Variants in TCF7L2 observed in about 807,000 individuals in gnomAD.
TCF7L2 encodes the protein transcription factor 7 like 2.
In TCF7L2, 23 loss-of-function variants were observed where a neutral mutation model predicts 77.9. The ratio of observed to expected loss-of-function variants is 0.30; its 90% CI spans 0.21 to 0.42. The LOEUF (loss-of-function observed/expected upper bound fraction) is 0.42, where lower values mean the gene tolerates loss of function less well. TCF7L2 is among the 10% of genes least tolerant of loss of function. The pLI is 1.00. For missense variants in TCF7L2, 654 were observed against 793.1 expected (o/e 0.82, Z 2.11); for synonymous variants, 413 against 340.2 (o/e 1.21, Z -2.36).
chr10:113,091,222 A>T (rs1000463777), intron 5 of TCF7L2, among the ~76,000 whole-genome samples: 1 of 152,172 alleles, frequency 6.6e-6, no homozygotes, highest in Non-Finnish European at 1.5e-5. Context: ...TAATATTTGG[A>T]TACATTTCCA....
At chr10:112,985,962 T>C (rs2135342454) in intron 4 of TCF7L2, among the ~76,000 whole-genome samples, 1 of 151,960 alleles carries the variant, frequency 6.6e-6, no homozygotes, top group South Asian at 2.1e-4. Context: ...GTTTCTATAT[T>C]CAAATCAAAG....
intron 4 of TCF7L2, 81 bp from the exon 5 acceptor site, chr10:113,039,944 C>T (rs1488729938): frequency 1.3e-5 from 16 of 1,215,784 alleles, no homozygotes; most frequent in Non-Finnish European, 1.9e-5. Context: ...ACCCATGTCA[C>T]AGTTATTTCT....
chr10:112,951,280 A>ACGCCCCGCG lies in TCF7L2; in HGVS notation c.256+16_256+24dup. ...CGGGAAAGTTTGGAAGAAGGTGAGT[A>ACGCCCCGCG]CGCCCCGCGCGCCCCGCAGCCGCCC... On this transcript the variant is annotated splice_region_variant and intron_variant, in intron 2 of 13. Transcript: ENST00000627217. 1 of 1,402,450 alleles carries ACGCCCCGCG rather than the reference A, an allele frequency of 7.1e-7. No homozygotes were observed. Among genetic ancestry groups the ACGCCCCGCG allele is most frequent in the South Asian group, 1.4e-5 (1 of 71,006 alleles). The allele number at this position is 1,402,450 out of a possible 1,614,324, so 86.9% of individuals were successfully genotyped here. A position where few individuals can be genotyped will look rare whatever the true frequency, so the allele number is the denominator to read the frequency against.
intron 5 of TCF7L2, chr10:113,127,131 A>G (rs190645274): frequency 1.4e-3 from 246 of 175,134 alleles, no homozygotes; most frequent in African/African-American, 5.2e-3. Context: ...AACAAAAAAA[A>G]CGAAAAAGAG....
chr10:112,980,986 G>A (rs7081062), intron 4 of TCF7L2, among the ~76,000 whole-genome samples: 96,816 of 152,098 alleles, frequency 0.64, 31,069 homozygotes, highest in East Asian at 0.71. Context: ...ATTAAAAAGA[G>A]AAATCACTGA....
At chr10:113,098,569 G>C (rs1420582324) in intron 5 of TCF7L2, among the ~76,000 whole-genome samples, 1 of 152,080 alleles carries the variant, frequency 6.6e-6, no homozygotes, top group Non-Finnish European at 1.5e-5. Flanking sequence ...AGCCAGGCAT[G>C]GTGGCGGGAG....
At chr10:113,010,977 G>C (rs1236549532) in intron 4 of TCF7L2, among the ~76,000 whole-genome samples, 1 of 152,168 alleles carries the variant, frequency 6.6e-6, no homozygotes, top group Non-Finnish European at 1.5e-5. Context: ...CTGTACTCCA[G>C]CCTGGGCAAT....
intron 13 of TCF7L2, among the ~76,000 whole-genome samples, chr10:113,163,173 C>T (rs538399069): frequency 6.6e-6 from 1 of 152,302 alleles, no homozygotes; most frequent in African/African-American, 2.4e-5. Flanking sequence ...ATACCCCTCT[C>T]ATTCCTATGA....
In TCF7L2 at chr10:112,980,750, C is replaced by G. The variant is rs61875113; in HGVS notation, c.450+16126C>G. ...TCATGCCGTTCTCCTACCTCAGCCT[C>G]CCAGTAGCTGGGACTACAGGCATCC... On this transcript the variant is annotated intron_variant, in intron 4 of 13. Coordinates refer to ENST00000627217, the MANE Select transcript of TCF7L2 (RefSeq NM_001146274.2). Among the ~76,000 whole-genome samples the G allele has an allele frequency of 8.2e-3, 1,251 of 152,228 alleles. 4 individuals carry two copies. The highest frequency in any genetic ancestry group is 0.027 in the Middle Eastern group (8 of 294).
intron 5 of TCF7L2, among the ~76,000 whole-genome samples, chr10:113,134,477 A>AG (rs141087289): frequency 3.9e-5 from 6 of 152,172 alleles, no homozygotes; most frequent in African/African-American, 1.4e-4. Flanking sequence ...TGTTGGGGAC[A>AG]GGGGGGTTAC....
At position 113,130,085 on chromosome 10, in the gene TCF7L2, C is replaced by G. The variant is rs903698373; in HGVS notation, c.553-11099C>G. 9 of 906,560 alleles carry G rather than the reference C, an allele frequency of 9.9e-6. No homozygotes were observed. In the African/African-American group the frequency reaches 1.1e-4, roughly 11 times the overall value. The allele number at this position is 906,560 out of a possible 1,614,324, so 56.2% of individuals were successfully genotyped here. A position where few individuals can be genotyped will look rare whatever the true frequency, so the allele number is the denominator to read the frequency against. ...CATTAAACCTATGCTTTTTCCCCCCCCTTAATTTAGATCATGGGAAGGAAA... is the reference window on the plus strand; with the variant it reads ...CATTAAACCTATGCTTTTTCCCCCCGCTTAATTTAGATCATGGGAAGGAAA... On this transcript the variant is annotated intron_variant, in intron 5 of 13. Coordinates refer to ENST00000627217, the MANE Select transcript of TCF7L2 (RefSeq NM_001146274.2).
chr10:113,090,055 C>T (rs933966213), intron 5 of TCF7L2, among the ~76,000 whole-genome samples: 5 of 152,236 alleles, frequency 3.3e-5, no homozygotes, highest in African/African-American at 1.2e-4. Flanking sequence ...GCTTTACTCG[C>T]AGATGTTGCT....
chr10:113,133,488 G>A (rs949687009), intron 5 of TCF7L2, among the ~76,000 whole-genome samples: 17 of 152,120 alleles, frequency 1.1e-4, no homozygotes, highest in Non-Finnish European at 1.8e-4. Flanking sequence ...ATGTTTGGCA[G>A]TCTGTTTGGT....
intron 4 of TCF7L2, among the ~76,000 whole-genome samples, chr10:113,024,385 C>T (rs2048763675): frequency 6.6e-6 from 1 of 152,134 alleles, no homozygotes; most frequent in Non-Finnish European, 1.5e-5. Flanking sequence ...TGTAAACTAT[C>T]TCATACATCA....
At chr10:112,982,950 G>C (rs1351242261) in intron 4 of TCF7L2, among the ~76,000 whole-genome samples, 2 of 152,052 alleles carry the variant, frequency 1.3e-5, no homozygotes, top group Non-Finnish European at 2.9e-5. Flanking sequence ...AAGAGAGTTA[G>C]GGTGAAAGAG....
chr10:113,043,896 G>T (rs1349467788), intron 5 of TCF7L2, among the ~76,000 whole-genome samples: 1 of 151,884 alleles, frequency 6.6e-6, no homozygotes, highest in Non-Finnish European at 1.5e-5. Flanking sequence ...ACCACCTCTG[G>T]TGTCTTTGCT....
chr10:113,100,209 C>T (rs969263448), intron 5 of TCF7L2, among the ~76,000 whole-genome samples: 1 of 152,174 alleles, frequency 6.6e-6, no homozygotes, highest in Non-Finnish European at 1.5e-5. Context: ...CAAAGCATCC[C>T]GAGAGCACGG....
chr10:112,956,429 C>T (rs1444724907), intron 3 of TCF7L2, among the ~76,000 whole-genome samples: 1 of 132,108 alleles, frequency 7.6e-6, no homozygotes, highest in Non-Finnish European at 1.5e-5. Context: ...GCTTTTTAGT[C>T]TTGGTGAGTG....
chr10:113,090,702 C>A (rs771538676), intron 5 of TCF7L2, among the ~76,000 whole-genome samples: 2 of 152,174 alleles, frequency 1.3e-5, no homozygotes, highest in African/African-American at 2.4e-5. Context: ...CTTCTGCCTC[C>A]GGTTTCAAGC....
Sources: gnomAD v4.1 joint callset for allele counts (sites outside exome capture counted in the v4.1 genomes callset) on GRCh38, gnomAD v4.1.1 for gene constraint, MANE v1.5 for transcripts, NCBI Gene and HGNC (gene_info 2026-07-23, HGNC 2026-07-21) for gene names.